DENND1B: variants seen among roughly 807,000 people sequenced by gnomAD.
DENND1B encodes DENN domain containing 1B.
In DENND1B, 59 loss-of-function variants were observed where a neutral mutation model predicts 90.1. The observed-to-expected ratio is 0.65, with a 90% CI of 0.53 to 0.81. The LOEUF is 0.81. Ranked by LOEUF, DENND1B falls within the 40% of genes least tolerant of loss-of-function variation. The probability of loss-of-function intolerance (pLI) is 0.00; values close to 1 mark genes in which losing one functional copy is unlikely to be tolerated. For synonymous variants in DENND1B, 337 were observed against 324.6 expected, an observed-to-expected ratio of 1.04 and a Z score of -0.41; for missense variants, 862 against 912.6, an observed-to-expected ratio of 0.94 and a Z score of 0.71.
chr1:197,717,246 T>C (rs1043771357), intron 2 of DENND1B, among the ~76,000 whole-genome samples: 7 of 151,982 alleles, frequency 4.6e-5, no homozygotes, highest in South Asian at 2.1e-4. Context: ...TCAACAACTT[T>C]ATGCACAAAG....
intron 3 of DENND1B, among the ~76,000 whole-genome samples, chr1:197,674,678 AAAAAG>A (rs1451323820): frequency 6.6e-6 from 1 of 152,126 alleles, no homozygotes; most frequent in Non-Finnish European, 1.5e-5. Context: ...AAAAAAAAAA[AAAAAG>A]AGAGAGAGAC....
At chr1:197,655,058 G>A (rs1653659410) in intron 6 of DENND1B, among the ~76,000 whole-genome samples, 1 of 152,122 alleles carries the variant, frequency 6.6e-6, no homozygotes, top group African/African-American at 2.4e-5. Flanking sequence ...ATAAATGATT[G>A]TATACTGAAA....
intron 20 of DENND1B, among the ~76,000 whole-genome samples, chr1:197,536,160 TAGATG>T (rs142540016): frequency 6.3e-5 from 8 of 126,328 alleles, no homozygotes; most frequent in African/African-American, 2.5e-4. Context: ...GAGAGAGAGA[TAGATG>T]AGATGAGATG....
At chr1:197,591,519 G>T (rs535827768) in intron 14 of DENND1B, among the ~76,000 whole-genome samples, 1 of 152,244 alleles carries the variant, frequency 6.6e-6, no homozygotes, top group East Asian at 1.9e-4. Flanking sequence ...GTCCTGCTGT[G>T]TAGAGCATTA....
intron 2 of DENND1B, among the ~76,000 whole-genome samples, chr1:197,726,505 T>C (rs1661647876): frequency 6.6e-6 from 1 of 152,112 alleles, no homozygotes; most frequent in South Asian, 2.1e-4. Context: ...TGAGGGTGAA[T>C]ATCACTGTCA....
At position 197,506,796 on chromosome 1, in the gene DENND1B, A is replaced by T. The variant is rs761620656; in HGVS notation, c.*3664T>A. 1.1e-4 allele frequency: 17 copies of T among 151,434 alleles called. No individual in the cohort carries two copies. The highest frequency in any genetic ancestry group is 2.1e-4 in the Non-Finnish European group (14 of 67,580). 9.4% of individuals were successfully genotyped at this position (151,434 alleles called of 1,614,324 possible). ...TGTTATTCATATAAAAATAGTAAAA[A>T]TTGGATTCCCATTAACATGCATCCA... is the stretch of plus-strand genomic sequence containing the variant. On this transcript the variant is annotated 3_prime_UTR_variant, in exon 23 of 23. Coordinates refer to ENST00000620048, the MANE Select transcript of DENND1B (RefSeq NM_001195215.2).
At position 197,508,487 on chromosome 1, in the gene DENND1B, G is replaced by C. The variant is rs917195714; in HGVS notation, c.*1973C>G. ...ATGTATACAGTCCATACTTATAAGG[G>C]AAACAAGAATTGTCTTCTTATATAA... On this transcript the variant is annotated 3_prime_UTR_variant, in exon 23 of 23. Transcript: ENST00000620048. 3 of 151,608 alleles carry C rather than the reference G, an allele frequency of 2.0e-5. No individual in the cohort carries two copies. Among genetic ancestry groups the C allele is most frequent in the African/African-American group, 7.3e-5 (3 of 41,346 alleles). The allele number at this position is 151,608 out of a possible 1,614,324, so 9.4% of individuals were successfully genotyped here.
At chr1:197,746,641 T>C in intron 2 of DENND1B, 2 of 648,436 alleles carry the variant, frequency 3.1e-6, no homozygotes, top group South Asian at 1.7e-5. Flanking sequence ...TTTATGCTTA[T>C]TTTTGTTCTA....
At chr1:197,744,901 C>A (rs1285558590) in intron 2 of DENND1B, among the ~76,000 whole-genome samples, 1 of 152,220 alleles carries the variant, frequency 6.6e-6, no homozygotes, top group African/African-American at 2.4e-5. Flanking sequence ...GCTTCTACAT[C>A]AGCACTTGCT....
intron 3 of DENND1B, chr1:197,690,465 G>C (rs535169966): frequency 5.9e-6 from 1 of 170,096 alleles, no homozygotes; most frequent in Admixed American, 6.4e-5. Flanking sequence ...CCATCGTTCA[G>C]ATGGTTGCTG....
At chr1:197,779,354 T>A (rs1340517802), upstream of DENND1B, among the ~76,000 whole-genome samples, 1 of 152,192 alleles carries the variant, frequency 6.6e-6, no homozygotes, top group Non-Finnish European at 1.5e-5. Flanking sequence ...ATTTTTGTCT[T>A]TAGTTTTCTA....
intron 2 of DENND1B, among the ~76,000 whole-genome samples, chr1:197,725,712 G>C (rs1052421895): frequency 6.6e-5 from 10 of 151,844 alleles, no homozygotes; most frequent in African/African-American, 2.2e-4. Flanking sequence ...ACAAGGTGAG[G>C]TCAGAGAGTT....
At chr1:197,629,288 C>T (rs567339926) in intron 10 of DENND1B, among the ~76,000 whole-genome samples, 2 of 152,028 alleles carry the variant, frequency 1.3e-5, no homozygotes, top group East Asian at 3.9e-4. Context: ...AAATGTCCAA[C>T]AATGATAGAC....
At chr1:197,567,428 T>C (rs1558250085) in intron 15 of DENND1B, among the ~76,000 whole-genome samples, 1 of 152,062 alleles carries the variant, frequency 6.6e-6, no homozygotes, top group Non-Finnish European at 1.5e-5. Flanking sequence ...ATTTAAAGAA[T>C]ACCAATCCTC....
At chr1:197,514,191 C>A (rs1571693150) in intron 20 of DENND1B, among the ~76,000 whole-genome samples, 1 of 151,552 alleles carries the variant, frequency 6.6e-6, no homozygotes, top group South Asian at 2.1e-4. Context: ...TAGAGCATTC[C>A]TTCTATATTT....
intron 2 of DENND1B, among the ~76,000 whole-genome samples, chr1:197,771,269 A>T (rs952364752): frequency 6.6e-6 from 1 of 152,176 alleles, no homozygotes; most frequent in African/African-American, 2.4e-5. Context: ...GTTGTGGTAG[A>T]TATTTTTTAG....
intron 15 of DENND1B, among the ~76,000 whole-genome samples, chr1:197,570,717 A>T (rs1673075936): frequency 6.6e-6 from 1 of 152,196 alleles, no homozygotes; most frequent in Admixed American, 6.5e-5. Context: ...CTATGTCCCT[A>T]ATCTTAGAGT....
intron 10 of DENND1B, among the ~76,000 whole-genome samples, chr1:197,622,041 G>A (rs1306866904): frequency 1.3e-5 from 2 of 151,284 alleles, no homozygotes; most frequent in Non-Finnish European, 3.0e-5. Flanking sequence ...ATCATGAGAA[G>A]GGACAAGAAC....
At chr1:197,645,617 G>A (rs879849267) in intron 9 of DENND1B, 73 bp downstream of exon 9, 67 of 815,882 alleles carry the variant, frequency 8.2e-5, no homozygotes, top group South Asian at 1.4e-4. Context: ...ATATAAAAAC[G>A]CATAAACAGT....
Sources: gnomAD v4.1 joint callset for allele counts (sites outside exome capture counted in the v4.1 genomes callset) on GRCh38, gnomAD v4.1.1 for gene constraint, MANE v1.5 for transcripts, NCBI Gene and HGNC (gene_info 2026-07-23, HGNC 2026-07-21) for gene names.